The following DIAPH2 variants were observed in gnomAD, a reference collection of about 807,000 sequenced individuals.
The protein encoded by DIAPH2 is protein diaphanous homolog 2.
DIAPH2 carries 35 observed loss-of-function variants against 92.7 expected under a neutral mutation model. The observed-to-expected ratio is 0.38, with a 90% CI of 0.29 to 0.50. The LOEUF (loss-of-function observed/expected upper bound fraction) is 0.50, where lower values mean the gene tolerates loss of function less well. Among genes scored for constraint, DIAPH2 ranks in the 20% least tolerant of loss-of-function variants. The pLI is 0.94. For synonymous variants in DIAPH2, 301 were observed against 280.4 expected (o/e 1.07, Z -0.73); for missense variants, 701 against 819.5 (o/e 0.86, Z 1.77).
intron 1 of DIAPH2, among the ~76,000 whole-genome samples, chrX:96,724,193 C>T (rs745741088): frequency 1.8e-4 from 20 of 110,433 alleles, no homozygotes; most frequent in East Asian, 2.8e-4. Flanking sequence ...TCCAAAGTGT[C>T]GGGATTACAG....
intron 17 of DIAPH2, among the ~76,000 whole-genome samples, chrX:97,024,757 G>T (rs2066320258): frequency 8.9e-6 from 1 of 111,900 alleles, no homozygotes; most frequent in Non-Finnish European, 1.9e-5. Flanking sequence ...GACTGTTCTT[G>T]ATTTCCATCT....
chrX:97,566,278 T>C (rs1293156420), intron 26 of DIAPH2, among the ~76,000 whole-genome samples: 1 of 112,154 alleles, frequency 8.9e-6, no homozygotes, highest in Non-Finnish European at 1.9e-5. Context: ...TTTGTGAGGA[T>C]AGGAATAGAG....
intron 26 of DIAPH2, among the ~76,000 whole-genome samples, chrX:97,487,778 A>T (rs1602622731): frequency 9.5e-6 from 1 of 105,790 alleles, no homozygotes; most frequent in African/African-American, 3.4e-5. Flanking sequence ...TGCCTTTTAC[A>T]TTTTTTTTTT....
At chrX:96,956,889 C>T (rs1220645686) in intron 15 of DIAPH2, among the ~76,000 whole-genome samples, 1 of 112,952 alleles carries the variant, frequency 8.9e-6, no homozygotes, top group Non-Finnish European at 1.9e-5. Context: ...TCTAAAGTTG[C>T]TTCCACATTT....
intron 5 of DIAPH2, among the ~76,000 whole-genome samples, 196 bp downstream of exon 5, chrX:96,881,914 A>G (rs2065215645): frequency 8.9e-6 from 1 of 112,046 alleles, no homozygotes; most frequent in Non-Finnish European, 1.9e-5. Flanking sequence ...CTAGTAATGT[A>G]CAATTTTAAG....
At chrX:96,962,284 T>TATATAC (rs1556309981) in intron 16 of DIAPH2, among the ~76,000 whole-genome samples, 4 of 73,571 alleles carry the variant, frequency 5.4e-5, no homozygotes, top group Admixed American at 1.6e-4. Flanking sequence ...CATATATATA[T>TATATAC]ACATATATAT....
intron 20 of DIAPH2, among the ~76,000 whole-genome samples, chrX:97,102,197 T>C (rs185331726): frequency 1.6e-3 from 183 of 111,954 alleles, no homozygotes; most frequent in African/African-American, 5.6e-3. Flanking sequence ...TAGCCTTTAT[T>C]TCAATCAGAC....
intron 23 of DIAPH2, among the ~76,000 whole-genome samples, chrX:97,296,736 G>A (rs2068646290): frequency 1.8e-5 from 2 of 109,055 alleles, no homozygotes; most frequent in Admixed American, 2.0e-4. Context: ...ACATGAATTT[G>A]TAGCCTGGCC....
intron 23 of DIAPH2, among the ~76,000 whole-genome samples, chrX:97,337,110 C>T (rs1461772024): frequency 3.7e-5 from 4 of 107,714 alleles, no homozygotes; most frequent in Non-Finnish European, 5.7e-5. Flanking sequence ...TCCTATGCCT[C>T]GATTTTCTTT....
At chrX:97,116,850 G>A (rs985279756) in intron 21 of DIAPH2, among the ~76,000 whole-genome samples, 6 of 111,316 alleles carry the variant, frequency 5.4e-5, no homozygotes, top group East Asian at 5.6e-4. Context: ...AAAAGGTTAC[G>A]TTAATCTCAC....
At chrX:97,229,683 G>GT (rs766614668) in intron 22 of DIAPH2, among the ~76,000 whole-genome samples, 145 of 109,115 alleles carry the variant, frequency 1.3e-3, no homozygotes, top group African/African-American at 4.8e-3. Context: ...TCAATTACAT[G>GT]TTTAATTTTA....
At position 96,979,585 on chromosome X, in the gene DIAPH2, A is replaced by G. The variant is rs550750781; in HGVS notation, c.2050+14378A>G. 3.0e-4 allele frequency among the ~76,000 whole-genome samples: 34 copies of G among 112,133 alleles called. No homozygotes were observed. The South Asian group carries it at 0.013, about 42-fold the overall frequency. ...CAGAATGCAGCCTTCACAATTTACT[A>G]TCGTCTTGACTCATTCACCTCCCTC... On this transcript the variant is annotated intron_variant, in intron 17 of 26. Coordinates refer to ENST00000324765, the MANE Select transcript of DIAPH2 (RefSeq NM_006729.5).
intron 22 of DIAPH2, among the ~76,000 whole-genome samples, chrX:97,245,342 C>T (rs1288647435): frequency 9.1e-6 from 1 of 110,044 alleles, no homozygotes; most frequent in Non-Finnish European, 1.9e-5. Flanking sequence ...AAGGCAGGGT[C>T]TCACTCTGTC....
chrX:97,302,168 G>A (rs1485425035), intron 23 of DIAPH2, among the ~76,000 whole-genome samples: 2 of 87,390 alleles, frequency 2.3e-5, no homozygotes, highest in African/African-American at 4.6e-5. Flanking sequence ...AGCTGAGATC[G>A]CACCACTGCA....
intron 10 of DIAPH2, among the ~76,000 whole-genome samples, chrX:96,932,307 C>T (rs757883116): frequency 2.8e-4 from 31 of 111,299 alleles, no homozygotes; most frequent in Non-Finnish European, 5.7e-4. Flanking sequence ...TCATTCCCCT[C>T]TATTTATAAT....
chrX:96,754,400 T>C (rs1274997356), intron 3 of DIAPH2, among the ~76,000 whole-genome samples: 4 of 112,089 alleles, frequency 3.6e-5, no homozygotes, highest in African/African-American at 1.3e-4. Context: ...ATAAAAACAG[T>C]CTACCAGATT....
At chrX:97,122,574 C>T (rs1031230183) in intron 21 of DIAPH2, among the ~76,000 whole-genome samples, 27 of 111,611 alleles carry the variant, frequency 2.4e-4, no homozygotes, top group South Asian at 3.7e-4. Flanking sequence ...TTTTCATTGA[C>T]TCTTTTGCTT....
chrX:97,488,863 T>A (rs1390201020), intron 26 of DIAPH2, among the ~76,000 whole-genome samples: 5 of 112,017 alleles, frequency 4.5e-5, no homozygotes, highest in Admixed American at 9.5e-5. Flanking sequence ...TTGTAATATA[T>A]TTTAAAATAA....
chrX:96,698,600 A>G (rs969181740), intron 1 of DIAPH2, among the ~76,000 whole-genome samples: 2 of 111,206 alleles, frequency 1.8e-5, no homozygotes, highest in African/African-American at 6.6e-5. Context: ...AGTTTGATCC[A>G]TCATCCTTCC....
Sources: allele counts gnomAD v4.1 joint callset (sites outside exome capture counted in the v4.1 genomes callset), GRCh38; gene constraint gnomAD v4.1.1; transcripts MANE v1.5; gene names NCBI Gene and HGNC (gene_info 2026-07-23, HGNC 2026-07-21).